The following SRCIN1 variants were observed in gnomAD, a reference collection of about 807,000 sequenced individuals.
SRCIN1 encodes the protein P130Cas-associated protein.
Under a neutral mutation model 116.2 loss-of-function variants are expected in SRCIN1, and 50 were observed. The observed-to-expected ratio is 0.43, with a 90% CI of 0.34 to 0.54. SRCIN1 has a LOEUF of 0.54. SRCIN1 is among the 20% of genes least tolerant of loss of function. The pLI is 0.02. For synonymous variants in SRCIN1, 736 were observed against 750.0 expected (o/e 0.98, Z 0.30); for missense variants, 1,446 against 1,672.0 (o/e 0.86, Z 2.36).
At chr17:38,594,485 T>C (rs1487866730) in intron 1 of SRCIN1, among the ~76,000 whole-genome samples, 1 of 151,940 alleles carries the variant, frequency 6.6e-6, no homozygotes, top group Non-Finnish European at 1.5e-5. Flanking sequence ...ACGTGGAACC[T>C]GAAAATAGCC....
chr17:38,588,058 C>CAAA (rs112646329), intron 1 of SRCIN1, among the ~76,000 whole-genome samples: 1 of 129,114 alleles, frequency 7.7e-6, no homozygotes, highest in Admixed American at 8.2e-5. Flanking sequence ...TTTGCTTTAA[C>CAAA]AAAAAAAAAA....
rs1042024944 is a variant in SRCIN1 at position 38,531,989 on chromosome 17, G to C, written c.*1308C>G. 1.0e-4 allele frequency: 16 copies of C among 152,558 alleles called. No individual in the cohort carries two copies. The highest frequency in any genetic ancestry group is 7.9e-4 in the Admixed American group (12 of 15,276). 9.5% of individuals were successfully genotyped at this position (152,558 alleles called of 1,614,324 possible). On this transcript the variant is annotated 3_prime_UTR_variant, in exon 19 of 19. Transcript: ENST00000617146. Reference sequence around the variant, plus strand: ...TACCGGCTCCTCACTGTGCCCTCTGGGGGGCCAGGAGTGAGAACCAAAATT... The same window carrying C: ...TACCGGCTCCTCACTGTGCCCTCTGCGGGGCCAGGAGTGAGAACCAAAATT...
chr17:38,580,228 A>G (rs1907710062), intron 1 of SRCIN1, among the ~76,000 whole-genome samples: 1 of 152,162 alleles, frequency 6.6e-6, no homozygotes, highest in Admixed American at 6.5e-5. Flanking sequence ...GCCCAGCCAC[A>G]GAGGAAAGAG....
intron 1 of SRCIN1, among the ~76,000 whole-genome samples, chr17:38,589,005 A>T (rs893367522): frequency 6.6e-6 from 1 of 152,050 alleles, no homozygotes; most frequent in Non-Finnish European, 1.5e-5. Flanking sequence ...CCCAGCACAC[A>T]CTCAGTCGCC....
chr17:38,578,898 G>A (rs1032333604), intron 1 of SRCIN1, 107 bp from the exon 2 acceptor site: 1 of 1,285,040 alleles, frequency 7.8e-7, no homozygotes, highest in East Asian at 2.7e-5. Flanking sequence ...GGCCTAAGGA[G>A]AGTGGAGAGG....
chr17:38,596,116 C>T (rs556791874), intron 1 of SRCIN1, among the ~76,000 whole-genome samples: 10 of 152,318 alleles, frequency 6.6e-5, no homozygotes, highest in Non-Finnish European at 1.0e-4. Flanking sequence ...TCCCTCCCGC[C>T]GCACGCTGGA....
At chr17:38,574,756 C>T (rs1006324012) in intron 2 of SRCIN1, 3 of 398,536 alleles carry the variant, frequency 7.5e-6, no homozygotes, top group Admixed American at 4.4e-5. Flanking sequence ...GGCTCCTACA[C>T]CAAAGAGAAA....
intron 2 of SRCIN1, among the ~76,000 whole-genome samples, chr17:38,577,991 T>C (rs1284396849): frequency 6.6e-6 from 1 of 152,032 alleles, no homozygotes; most frequent in African/African-American, 2.4e-5. Flanking sequence ...TGGGCTCCAT[T>C]CTTGCAGGCT....
intron 1 of SRCIN1, among the ~76,000 whole-genome samples, chr17:38,598,124 T>G (rs191918245): frequency 2.0e-5 from 3 of 151,678 alleles, no homozygotes; most frequent in African/African-American, 7.3e-5. Context: ...AAAGTGAGAG[T>G]CTGCGGCAGT....
At chr17:38,588,635 C>G (rs1430388849) in intron 1 of SRCIN1, among the ~76,000 whole-genome samples, 4 of 152,198 alleles carry the variant, frequency 2.6e-5, no homozygotes, top group Non-Finnish European at 4.4e-5. Context: ...CTGCGCCCCT[C>G]TGTGTGTGAA....
chr17:38,547,727 A>C (rs942507390), intron 17 of SRCIN1: 3 of 317,586 alleles, frequency 9.4e-6, no homozygotes, highest in Admixed American at 4.5e-5. Flanking sequence ...AGGCAGAGAG[A>C]GAGCTGTGAG....
chr17:38,590,141 C>T lies in SRCIN1; in HGVS notation c.23-11350G>A, dbSNP rs188753553. ...CGAAAGACACAAAGACTCCCACCCT[C>T]CCTTCTCCAATCCACACATCCATCT... On this transcript the variant is annotated intron_variant, in intron 1 of 18. Coordinates refer to ENST00000617146, the MANE Select transcript of SRCIN1 (RefSeq NM_025248.3). Among the ~76,000 whole-genome samples the T allele has an allele frequency of 1.8e-3, 267 of 152,322 alleles. 1 individual carries two copies. Among genetic ancestry groups the T allele is most frequent in the Admixed American group, 2.7e-3 (42 of 15,302 alleles).
rs185212880 is a variant in SRCIN1, at chr17:38,572,235, G to A, written c.325-4004C>T. ...GAGTCAGCGTAAACACTCGTCCCCCGGGCTGGGGCTAAGCCACTCGCCCCT... is the reference window on the plus strand; with the variant it reads ...GAGTCAGCGTAAACACTCGTCCCCCAGGCTGGGGCTAAGCCACTCGCCCCT... On this transcript the variant is annotated intron_variant, in intron 2 of 18. Coordinates refer to ENST00000617146, the MANE Select transcript of SRCIN1 (RefSeq NM_025248.3). This position sits in a 1 kb window ranked among gnomAD's most constrained non-coding sequence, Gnocchi z 4.3. 3.9e-3 allele frequency among the ~76,000 whole-genome samples: 592 copies of A among 152,288 alleles called. 9 individuals are homozygous for A. Among genetic ancestry groups the A allele is most frequent in the African/African-American group, 0.014 (563 of 41,576 alleles).
chr17:38,548,784 G>A, intron 16 of SRCIN1, 75 bp from the exon 17 acceptor site: 7 of 1,454,282 alleles, frequency 4.8e-6, no homozygotes, highest in South Asian at 2.8e-5. Context: ...AGGCCCCATC[G>A]CCCATGTACC....
chr17:38,564,374 G>C, intron 3 of SRCIN1, 61 bp from the exon 4 acceptor site: 2 of 1,465,044 alleles, frequency 1.4e-6, no homozygotes, highest in South Asian at 2.7e-5. Flanking sequence ...CCCTTTGCTT[G>C]TCACTGCCCA....
chr17:38,571,812 C>G (rs73304437), intron 2 of SRCIN1, among the ~76,000 whole-genome samples: 22,313 of 152,134 alleles, frequency 0.15, 1,721 homozygotes, highest in African/African-American at 0.19. Context: ...CCCAAGGAAG[C>G]CAGGCCAGGG....
chr17:38,569,524 C>T (rs1341759641), intron 2 of SRCIN1, among the ~76,000 whole-genome samples: 6 of 152,110 alleles, frequency 3.9e-5, no homozygotes, highest in African/African-American at 9.7e-5. Context: ...AGGGGCACTC[C>T]GGCTGGAGGC....
rs773213841 is a variant in SRCIN1 at position 38,533,405 on chromosome 17, G to A, written c.3444C>T (p.Ser1148=). 50 of 1,612,780 alleles carry A rather than the reference G, an allele frequency of 3.1e-5. 2 individuals carry two copies. In the South Asian group the frequency reaches 4.5e-4, roughly 15 times the overall value. Residue 1148 remains serine (S), a synonymous_variant, in exon 19 of 19, where the codon AGC becomes AGT. Transcript: ENST00000617146. ...CTGGGCTCGAGGTCTCATTCGACCCGCTCATCTCTTTAGATGGTTTAGTGG... is the reference window on the plus strand; with the variant it reads ...CTGGGCTCGAGGTCTCATTCGACCCACTCATCTCTTTAGATGGTTTAGTGG... ...QQATKPSKEM[S]GSNETSSPVS... is the part of the protein sequence containing the mutation.
intron 16 of SRCIN1, 124 bp from the exon 17 acceptor site, chr17:38,548,833 C>T: frequency 2.2e-6 from 3 of 1,354,220 alleles, no homozygotes; most frequent in African/African-American, 1.5e-5. Context: ...TACACCCCTG[C>T]CAGGGTGTCC....
Sources: allele counts gnomAD v4.1 joint callset (sites outside exome capture counted in the v4.1 genomes callset), GRCh38; gene constraint gnomAD v4.1.1; non-coding constraint Gnocchi (gnomAD v3.1); transcripts MANE v1.5; gene names NCBI Gene and HGNC (gene_info 2026-07-23, HGNC 2026-07-21).